ASCC3: variants seen among roughly 807,000 people sequenced by gnomAD.
ASCC3 encodes the protein activating signal cointegrator 1 complex subunit 3.
Under a neutral mutation model 256.3 loss-of-function variants are expected in ASCC3, and 158 were observed. That is an observed-to-expected ratio of 0.62 (90% confidence interval 0.54 to 0.70). The LOEUF is 0.70. Among genes scored for constraint, ASCC3 ranks in the 30% least tolerant of loss-of-function variants. The pLI is 0.00. For missense variants in ASCC3, 2,259 were observed against 2,626.0 expected (o/e 0.86, Z 3.05); for synonymous variants, 948 against 883.4 (o/e 1.07, Z -1.30).
intron 17 of ASCC3, among the ~76,000 whole-genome samples, chr6:100,655,155 C>A (rs772324732): frequency 6.6e-6 from 1 of 151,876 alleles, no homozygotes; most frequent in South Asian, 2.1e-4. Flanking sequence ...ACGGACCACA[C>A]AATTGTGAAG....
At chr6:100,702,002 A>G (rs954385882) in intron 13 of ASCC3, among the ~76,000 whole-genome samples, 2 of 152,198 alleles carry the variant, frequency 1.3e-5, no homozygotes, top group African/African-American at 4.8e-5. Context: ...TGGCAAAACA[A>G]TATGAGAATA....
intron 2 of ASCC3, among the ~76,000 whole-genome samples, chr6:100,866,560 C>T (rs1773488643): frequency 6.6e-6 from 1 of 152,196 alleles, no homozygotes; most frequent in Non-Finnish European, 1.5e-5. Flanking sequence ...ATGTGACTAT[C>T]TTTGAAAATC....
chr6:100,582,939 A>T (rs2114753226), intron 36 of ASCC3, among the ~76,000 whole-genome samples: 1 of 152,294 alleles, frequency 6.6e-6, no homozygotes, highest in South Asian at 2.1e-4. Flanking sequence ...GATGAAGCCC[A>T]CTTGATCATG....
intron 37 of ASCC3, among the ~76,000 whole-genome samples, chr6:100,532,406 ATTTTTTTTTTTT>A (rs57203625): frequency 8.3e-5 from 4 of 48,480 alleles, no homozygotes; most frequent in African/African-American, 2.9e-4. Context: ...ATATATATAT[ATTTTTTTTTTTT>A]TTTTTTTTTA....
At chr6:100,553,097 T>G (rs1450161613) in intron 36 of ASCC3, among the ~76,000 whole-genome samples, 1 of 152,070 alleles carries the variant, frequency 6.6e-6, no homozygotes, top group Non-Finnish European at 1.5e-5. Flanking sequence ...CTTTACTTAG[T>G]TCTCAGGTCC....
rs373064749 is a variant in ASCC3 at position 100,578,731 on chromosome 6, C to T, written c.5550+10903G>A. On this transcript the variant is annotated intron_variant, in intron 36 of 41. Coordinates refer to ENST00000369162, the MANE Select transcript of ASCC3 (RefSeq NM_006828.4). ...TGAATAGCACTGCAATAAACATATG[C>T]GTGCATGTGTCTTTACGGCAGAACA... Among the ~76,000 whole-genome samples, 202 of 152,102 alleles carry T rather than the reference C, an allele frequency of 1.3e-3. 1 individual carries two copies. Among genetic ancestry groups the T allele is most frequent in the South Asian group, 9.8e-3 (47 of 4,814 alleles).
At chr6:100,805,609 A>G in intron 5 of ASCC3, 151 bp downstream of exon 5, 1 of 1,002,268 alleles carries the variant, frequency 1.0e-6, no homozygotes, top group East Asian at 2.7e-5. Flanking sequence ...GTTTTTTCAT[A>G]ATATGCCATA....
In ASCC3 at chr6:100,640,380, C is replaced by T. The variant is rs184871408; in HGVS notation, c.3902-1559G>A. Among the ~76,000 whole-genome samples, 735 of 152,148 alleles carry T rather than the reference C, an allele frequency of 4.8e-3. 9 individuals carry two copies. The highest frequency in any genetic ancestry group is 0.017 in the African/African-American group (710 of 41,496). ...AGAGACCCTGGAATCATTGAGGTTA[C>T]TTTGTATATGTCTAATATCAACTGA... is the stretch of plus-strand genomic sequence containing the variant. On this transcript the variant is annotated intron_variant, in intron 24 of 41. Coordinates refer to ENST00000369162, the MANE Select transcript of ASCC3 (RefSeq NM_006828.4).
intron 10 of ASCC3, among the ~76,000 whole-genome samples, chr6:100,765,975 C>T (rs1021018026): frequency 6.6e-6 from 1 of 152,080 alleles, no homozygotes; most frequent in Non-Finnish European, 1.5e-5. Flanking sequence ...TTATATATTG[C>T]TTTCAATACT....
At chr6:100,522,430 G>A (rs921316251) in intron 37 of ASCC3, among the ~76,000 whole-genome samples, 6 of 152,090 alleles carry the variant, frequency 3.9e-5, no homozygotes, top group Non-Finnish European at 8.8e-5. Context: ...AGGAGGTGAT[G>A]AATTTAATTT....
At chr6:100,536,071 AG>A (rs370564835) in intron 37 of ASCC3, among the ~76,000 whole-genome samples, 70 of 152,300 alleles carry the variant, frequency 4.6e-4, no homozygotes, top group African/African-American at 1.6e-3. Flanking sequence ...AAATGTATGA[AG>A]AAAAAGTCTC....
chr6:100,863,686 G>A lies in ASCC3; in HGVS notation c.241+378C>T, dbSNP rs117091632. Among the ~76,000 whole-genome samples, 1,884 of 152,076 alleles carry A rather than the reference G, an allele frequency of 0.012. 94 individuals carry two copies. The East Asian group carries it at 0.14, about 12-fold the overall frequency. ...ACTGAAGTGCAGTGGCATGATCTTG[G>A]CTCACCACAGCCTCAACCTCCCAGG... On this transcript the variant is annotated intron_variant, in intron 3 of 41. Transcript: ENST00000369162.
chr6:100,618,171 AC>A (rs1416622557), intron 30 of ASCC3, among the ~76,000 whole-genome samples: 2 of 152,222 alleles, frequency 1.3e-5, no homozygotes, highest in East Asian at 1.9e-4. Flanking sequence ...TGAGTGCCCG[AC>A]TATGTGATAC....
At position 100,800,491 on chromosome 6, in the gene ASCC3, T is replaced by G; in HGVS notation, c.936A>C (p.Lys312Asn). The part of the protein sequence containing the change: ...RFQALQDNCK[K>N]ILGENAKPNY... ...TGGGTTTAGCATTTTCTCCTAAAAT[T>G]TTTTTACAATTGTCTAAGAAGCAAA... Residue 312 changes from lysine to asparagine, a missense_variant, in exon 6 of 42, where the codon AAA (lysine) becomes AAC (asparagine). By Grantham distance (94) the Lys-to-Asn change is moderately conservative. This residue lies in a region of ASCC3 where 420 missense variants were observed against 419.3 expected (regional missense o/e 1.00). Transcript: ENST00000369162. The G allele has an allele frequency of 6.2e-7, 1 of 1,608,340 alleles. No homozygotes were observed. Among genetic ancestry groups the G allele is most frequent in the East Asian group, 2.2e-5 (1 of 44,680 alleles).
intron 3 of ASCC3, among the ~76,000 whole-genome samples, chr6:100,850,969 C>T (rs1191857311): frequency 2.6e-5 from 4 of 152,066 alleles, no homozygotes; most frequent in African/African-American, 9.7e-5. Context: ...CATTATCTAC[C>T]ATTGTAAATA....
At chr6:100,707,077 T>C (rs996663133) in intron 13 of ASCC3, among the ~76,000 whole-genome samples, 2 of 152,072 alleles carry the variant, frequency 1.3e-5, no homozygotes, top group African/African-American at 2.4e-5. Flanking sequence ...TGTTAAAACT[T>C]TGAAGACAAG....
chr6:100,563,582 G>A (rs547001324), intron 36 of ASCC3, among the ~76,000 whole-genome samples: 8 of 152,198 alleles, frequency 5.3e-5, no homozygotes, highest in East Asian at 3.9e-4. Flanking sequence ...TTCCTCGCAC[G>A]TGGATTAGCA....
At chr6:100,681,725 C>CAAAAAAAAAAA (rs10696130) in intron 13 of ASCC3, among the ~76,000 whole-genome samples, 3 of 58,656 alleles carry the variant, frequency 5.1e-5, no homozygotes, top group Admixed American at 2.7e-4. Context: ...GACTCCGTCT[C>CAAAAAAAAAAA]AAAAAAAAAA....
chr6:100,858,919 C>A (rs1773089646), intron 3 of ASCC3: 1 of 573,390 alleles, frequency 1.7e-6, no homozygotes, highest in Non-Finnish European at 3.1e-6. Flanking sequence ...TTATTATATG[C>A]CTTTAACCTC....
Sources: allele counts gnomAD v4.1 joint callset (sites outside exome capture counted in the v4.1 genomes callset), GRCh38; gene constraint gnomAD v4.1.1; regional missense constraint gnomAD v4.1.1; transcripts MANE v1.5; gene names NCBI Gene and HGNC (gene_info 2026-07-23, HGNC 2026-07-21).